VWC2L: variants seen among roughly 807,000 people sequenced by gnomAD.
VWC2L encodes von Willebrand factor C domain containing 2 like, also known as von Willebrand factor C domain-containing protein 2-like.
In VWC2L, 10 loss-of-function variants were observed where a neutral mutation model predicts 21.6. The ratio of observed to expected loss-of-function variants is 0.46; its 90% CI spans 0.29 to 0.78. The LOEUF is 0.78. VWC2L is among the 30% of genes least tolerant of loss of function. VWC2L has a pLI of 0.10. For synonymous variants in VWC2L, 96 were observed against 94.3 expected, an observed-to-expected ratio of 1.02 and a Z score of -0.10; for missense variants, 209 against 277.1, an observed-to-expected ratio of 0.75 and a Z score of 1.74.
chr2:214,529,209 C>A lies in VWC2L; in HGVS notation c.521-46463C>A, dbSNP rs148033916. Reference sequence around the variant, plus strand: ...TTTGGATTCCTAGAGAGAAAGTGAACGTGTTGTATGGCAAGGCAAATTTCA... The same window carrying A: ...TTTGGATTCCTAGAGAGAAAGTGAAAGTGTTGTATGGCAAGGCAAATTTCA... On this transcript the variant is annotated intron_variant, in intron 3 of 3. Transcript: ENST00000312504. Among the ~76,000 whole-genome samples, 48 of 152,198 alleles carry A rather than the reference C, an allele frequency of 3.2e-4. 1 individual carries two copies. The East Asian group carries it at 9.3e-3, about 29-fold the overall frequency.
chr2:214,486,636 A>G (rs10460334), intron 3 of VWC2L, among the ~76,000 whole-genome samples: 103,535 of 151,968 alleles, frequency 0.68, 39,375 homozygotes, highest in Non-Finnish European at 0.85. Flanking sequence ...GGAGATCTCT[A>G]TATATCTAAG....
At chr2:214,528,638 A>G (rs1335878281) in intron 3 of VWC2L, among the ~76,000 whole-genome samples, 1 of 151,958 alleles carries the variant, frequency 6.6e-6, no homozygotes, top group African/African-American at 2.4e-5. Context: ...AGAATGAACC[A>G]TTTGCCACGG....
At chr2:214,520,134 T>C (rs945213690) in intron 3 of VWC2L, among the ~76,000 whole-genome samples, 1 of 150,870 alleles carries the variant, frequency 6.6e-6, no homozygotes, top group African/African-American at 2.4e-5. Context: ...TTCTCAAAAT[T>C]TGAGGGAAAA....
At chr2:214,522,291 C>T (rs1040287369) in intron 3 of VWC2L, among the ~76,000 whole-genome samples, 25 of 145,910 alleles carry the variant, frequency 1.7e-4, no homozygotes, top group African/African-American at 5.8e-4. Context: ...AGGAGAATGG[C>T]GTGAACCCGG....
intron 2 of VWC2L, among the ~76,000 whole-genome samples, chr2:214,425,549 C>A (rs1702509280): frequency 6.6e-6 from 1 of 152,020 alleles, no homozygotes; most frequent in Admixed American, 6.5e-5. Context: ...CATGTGTTCT[C>A]TTTTGATAAG....
In VWC2L at chr2:214,492,757, T is replaced by A. The variant is rs116698345; in HGVS notation, c.520+55999T>A. 1.5e-3 allele frequency among the ~76,000 whole-genome samples: 234 copies of A among 152,352 alleles called. 3 individuals are homozygous for A. Among genetic ancestry groups the A allele is most frequent in the African/African-American group, 5.5e-3 (229 of 41,586 alleles). On this transcript the variant is annotated intron_variant, in intron 3 of 3. Transcript: ENST00000312504. ...TAATTTTGAGTTTTGGTATGTCTGA[T>A]GTATCAGTCAGTGTTTATTAGGTTT...
intron 3 of VWC2L, among the ~76,000 whole-genome samples, chr2:214,468,419 C>T (rs762109286): frequency 6.6e-6 from 1 of 152,166 alleles, no homozygotes; most frequent in Non-Finnish European, 1.5e-5. Flanking sequence ...CCAGCTTTCA[C>T]ATCCAGATTT....
chr2:214,418,591 CTG>C (rs1296692806), intron 2 of VWC2L, among the ~76,000 whole-genome samples: 1 of 152,198 alleles, frequency 6.6e-6, no homozygotes, highest in Non-Finnish European at 1.5e-5. Flanking sequence ...GCTAGCGACA[CTG>C]TTTTCTTTTT....
At chr2:214,423,907 T>C (rs1030183459) in intron 2 of VWC2L, among the ~76,000 whole-genome samples, 1 of 149,228 alleles carries the variant, frequency 6.7e-6, no homozygotes, top group African/African-American at 2.5e-5. Flanking sequence ...TGAGGACCCA[T>C]TTTTTTTTTC....
At chr2:214,492,282 A>G (rs1302904444) in intron 3 of VWC2L, among the ~76,000 whole-genome samples, 1 of 152,188 alleles carries the variant, frequency 6.6e-6, no homozygotes, top group Admixed American at 6.6e-5. Flanking sequence ...AGAGGTTGGG[A>G]TCAGGGATGC....
chr2:214,509,145 T>C (rs1366873216), intron 3 of VWC2L, among the ~76,000 whole-genome samples: 2 of 152,176 alleles, frequency 1.3e-5, no homozygotes, highest in African/African-American at 4.8e-5. Context: ...CTAGTCTCAC[T>C]TCCCCACTTT....
chr2:214,436,752 A>G lies in VWC2L; in HGVS notation c.514A>G (p.Lys172Glu). The G allele has an allele frequency of 6.2e-7, 1 of 1,613,086 alleles. No individual in the cohort carries two copies. The highest frequency in any genetic ancestry group is 8.5e-7 in the Non-Finnish European group (1 of 1,179,230). Reference protein sequence around the residue: ...YEPEQCCPVCKNGPNCFAGTT... With the variant: ...YEPEQCCPVCENGPNCFAGTT... ...ACCAGAACAATGTTGTCCTGTCTGC[A>G]AAAATGGTAAGACCACACTGCATTA... The change falls in exon 3 of 4, where the codon AAA becomes GAA. Residue 172 changes from lysine (K) to glutamate (E), a missense_variant. Physicochemically the swap from Lys to Glu is moderately conservative, Grantham distance 56. Transcript: ENST00000312504.
At chr2:214,507,953 T>C (rs964808391) in intron 3 of VWC2L, among the ~76,000 whole-genome samples, 43 of 152,128 alleles carry the variant, frequency 2.8e-4, no homozygotes, top group African/African-American at 1.0e-3. Flanking sequence ...GGGCTTAAGT[T>C]ATCCTTTCTT....
intron 3 of VWC2L, among the ~76,000 whole-genome samples, chr2:214,505,508 A>G (rs1006340736): frequency 6.6e-6 from 1 of 152,148 alleles, no homozygotes; most frequent in Non-Finnish European, 1.5e-5. Context: ...TGATTAAGAA[A>G]TACTCAAAGG....
At position 214,503,356 on chromosome 2, in the gene VWC2L, G is replaced by A. The variant is rs74801088; in HGVS notation, c.520+66598G>A. On this transcript the variant is annotated intron_variant, in intron 3 of 3. Transcript: ENST00000312504. ...CCATGAAAATACTTAATTTTAATCA[G>A]AAAAAAAAATGTAAACTTAGGTTAA... Among the ~76,000 whole-genome samples the A allele has an allele frequency of 2.3e-4, 34 of 146,358 alleles. 1 individual carries two copies. The South Asian group carries it at 7.0e-3, about 30-fold the overall frequency.
intron 3 of VWC2L, among the ~76,000 whole-genome samples, chr2:214,528,429 C>T (rs1308288416): frequency 1.3e-5 from 2 of 152,130 alleles, no homozygotes; most frequent in Non-Finnish European, 2.9e-5. Flanking sequence ...TGGAATAAAT[C>T]TAACCTCTCT....
At chr2:214,431,720 T>C (rs1180516509) in intron 2 of VWC2L, among the ~76,000 whole-genome samples, 2 of 152,212 alleles carry the variant, frequency 1.3e-5, no homozygotes, top group African/African-American at 4.8e-5. Flanking sequence ...GATTTTCTAA[T>C]ATACTAAATT....
At chr2:214,413,949 A>T (rs546862215) in intron 1 of VWC2L, among the ~76,000 whole-genome samples, 165 bp from the exon 2 acceptor site, 1 of 152,304 alleles carries the variant, frequency 6.6e-6, no homozygotes, top group East Asian at 1.9e-4. Flanking sequence ...GCCAAGTATC[A>T]ACTCTCCAAA....
intron 3 of VWC2L, among the ~76,000 whole-genome samples, chr2:214,493,454 A>G (rs1328687892): frequency 6.6e-6 from 1 of 152,190 alleles, no homozygotes; most frequent in African/African-American, 2.4e-5. Context: ...CAAATATTTT[A>G]ACGATTCTGT....
Sources: gnomAD v4.1 joint callset for allele counts (sites outside exome capture counted in the v4.1 genomes callset) on GRCh38, gnomAD v4.1.1 for gene constraint, MANE v1.5 for transcripts, NCBI Gene and HGNC (gene_info 2026-07-23, HGNC 2026-07-21) for gene names.